Variants in FHIT observed in about 807,000 individuals in gnomAD.
FHIT encodes bis(5'-adenosyl)-triphosphatase.
In FHIT, 19 loss-of-function variants were observed where a neutral mutation model predicts 17.9. That is an observed-to-expected ratio of 1.06 (90% CI 0.74 to 1.56). The LOEUF (loss-of-function observed/expected upper bound fraction) is 1.56, where lower values mean the gene tolerates loss of function less well. Ranked by LOEUF, FHIT falls within the 40% of genes most tolerant of loss-of-function variation. The pLI, the probability that FHIT is intolerant of heterozygous loss-of-function variation, is 0.00. For missense variants in FHIT, 248 were observed against 189.2 expected, an observed-to-expected ratio of 1.31 and a Z score of -1.82; for synonymous variants, 81 against 69.7, an observed-to-expected ratio of 1.16 and a Z score of -0.81.
chr3:60,399,556 G>C (rs1559883312), intron 5 of FHIT, among the ~76,000 whole-genome samples: 1 of 152,128 alleles, frequency 6.6e-6, no homozygotes, highest in Non-Finnish European at 1.5e-5. Flanking sequence ...TTCGTGGTCG[G>C]TAGGCAGTTT....
intron 5 of FHIT, among the ~76,000 whole-genome samples, chr3:60,455,481 C>A (rs374050577): frequency 6.6e-6 from 1 of 152,106 alleles, no homozygotes; most frequent in African/African-American, 2.4e-5. Flanking sequence ...AATTACAGAA[C>A]AAAACCAGTT....
At chr3:60,641,255 T>C (rs2039718060) in intron 4 of FHIT, among the ~76,000 whole-genome samples, 1 of 152,090 alleles carries the variant, frequency 6.6e-6, no homozygotes, top group African/African-American at 2.4e-5. Flanking sequence ...GGATGACAGA[T>C]GCATGAGAAT....
At chr3:60,451,166 T>C (rs1362665584) in intron 5 of FHIT, among the ~76,000 whole-genome samples, 1 of 152,150 alleles carries the variant, frequency 6.6e-6, no homozygotes, top group Non-Finnish European at 1.5e-5. Flanking sequence ...ACTTTATTTT[T>C]TTTAACCATT....
At chr3:60,410,897 A>T (rs1048828764) in intron 5 of FHIT, among the ~76,000 whole-genome samples, 1 of 152,160 alleles carries the variant, frequency 6.6e-6, no homozygotes, top group Non-Finnish European at 1.5e-5. Context: ...TATATGGAGT[A>T]ATAAGACAGA....
At chr3:60,200,743 AT>A (rs1702863502) in intron 5 of FHIT, among the ~76,000 whole-genome samples, 1 of 151,974 alleles carries the variant, frequency 6.6e-6, no homozygotes, top group Non-Finnish European at 1.5e-5. Context: ...TAATAGAATG[AT>A]TTATTTTAAT....
chr3:60,321,429 C>A (rs1709427929), intron 5 of FHIT, among the ~76,000 whole-genome samples: 1 of 152,136 alleles, frequency 6.6e-6, no homozygotes, highest in Non-Finnish European at 1.5e-5. Flanking sequence ...AGAGCCACAA[C>A]TGCACCACTG....
chr3:60,539,646 A>T (rs2036114122), intron 4 of FHIT, among the ~76,000 whole-genome samples: 1 of 152,228 alleles, frequency 6.6e-6, no homozygotes, highest in African/African-American at 2.4e-5. Context: ...TTGTAGGGAC[A>T]TGGATGAAGC....
intron 8 of FHIT, among the ~76,000 whole-genome samples, chr3:59,785,562 G>A (rs1204168284): frequency 1.3e-5 from 2 of 151,990 alleles, no homozygotes; most frequent in African/African-American, 4.8e-5. Flanking sequence ...CAAGTGATCC[G>A]CCCACCTTGG....
intron 5 of FHIT, among the ~76,000 whole-genome samples, chr3:60,153,950 G>C (rs1250088980): frequency 2.6e-5 from 4 of 152,176 alleles, no homozygotes; most frequent in African/African-American, 9.6e-5. Flanking sequence ...TAGTAAGAGA[G>C]ACACACTAAA....
intron 5 of FHIT, among the ~76,000 whole-genome samples, chr3:60,527,244 T>C (rs1310239431): frequency 2.0e-5 from 3 of 152,254 alleles, no homozygotes; most frequent in African/African-American, 2.4e-5. Context: ...ACTGGTATTC[T>C]AGGCCTCTGC....
chr3:60,295,192 G>A (rs1708154335), intron 5 of FHIT, among the ~76,000 whole-genome samples: 1 of 152,084 alleles, frequency 6.6e-6, no homozygotes, highest in Non-Finnish European at 1.5e-5. Flanking sequence ...TGAGGCTACA[G>A]TGGGCTATGA....
chr3:59,982,833 T>A (rs568371395), intron 7 of FHIT, among the ~76,000 whole-genome samples: 1 of 152,288 alleles, frequency 6.6e-6, no homozygotes, highest in African/African-American at 2.4e-5. Flanking sequence ...CTGAGACATC[T>A]CCGTGGCTTC....
chr3:60,292,296 T>G (rs370902137), intron 5 of FHIT, among the ~76,000 whole-genome samples: 14 of 152,286 alleles, frequency 9.2e-5, no homozygotes, highest in Admixed American at 2.0e-4. Context: ...TTCGAAATAG[T>G]TGAATATAAA....
At chr3:60,567,615 T>C (rs1005799444) in intron 4 of FHIT, among the ~76,000 whole-genome samples, 4 of 152,112 alleles carry the variant, frequency 2.6e-5, no homozygotes, top group East Asian at 1.9e-4. Flanking sequence ...TGGGATCTAA[T>C]TAAACTAAAG....
chr3:60,098,030 G>A (rs1185106987), intron 5 of FHIT, among the ~76,000 whole-genome samples: 5 of 151,854 alleles, frequency 3.3e-5, no homozygotes, highest in East Asian at 3.9e-4. Flanking sequence ...CCATGTCCCT[G>A]CAAAGGACAT....
At chr3:59,883,677 T>C (rs577168645) in intron 8 of FHIT, among the ~76,000 whole-genome samples, 3 of 152,222 alleles carry the variant, frequency 2.0e-5, no homozygotes, top group Non-Finnish European at 2.9e-5. Context: ...ATACTCTCAG[T>C]AGTGTGCTAC....
intron 5 of FHIT, among the ~76,000 whole-genome samples, chr3:60,515,096 C>T (rs2035100981): frequency 6.6e-6 from 1 of 151,986 alleles, no homozygotes; most frequent in African/African-American, 2.4e-5. Flanking sequence ...CAGGCAGGCG[C>T]GGAGTGGTGC....
intron 5 of FHIT, among the ~76,000 whole-genome samples, chr3:60,314,235 TAA>T (rs1306433137): frequency 6.7e-6 from 1 of 148,608 alleles, no homozygotes; most frequent in Admixed American, 6.7e-5. Flanking sequence ...AGATGATTAA[TAA>T]GAGATATAGG....
chr3:60,401,631 T>G (rs777728230), intron 5 of FHIT, among the ~76,000 whole-genome samples: 1 of 152,128 alleles, frequency 6.6e-6, no homozygotes, highest in African/African-American at 2.4e-5. Context: ...CCCCACCCCA[T>G]GTAGTTTCCT....
Sources: allele counts gnomAD v4.1 joint callset (sites outside exome capture counted in the v4.1 genomes callset), GRCh38; gene constraint gnomAD v4.1.1; transcripts MANE v1.5; gene names NCBI Gene and HGNC (gene_info 2026-07-23, HGNC 2026-07-21).